LRP1B: variants seen among roughly 807,000 people sequenced by gnomAD.
LRP1B encodes the protein low-density lipoprotein receptor-related protein 1B.
LRP1B carries 217 observed loss-of-function variants against 556.6 expected under a neutral mutation model. That is an observed-to-expected ratio of 0.39 (90% CI 0.35 to 0.44). LRP1B has a LOEUF of 0.44. Ranked by LOEUF, LRP1B falls within the 20% of genes least tolerant of loss-of-function variation. The pLI, the probability that LRP1B is intolerant of heterozygous loss-of-function variation, is 1.00. For synonymous variants in LRP1B, 2,047 were observed against 1,865.8 expected (o/e 1.10, Z -2.50); for missense variants, 5,053 against 5,620.8 (o/e 0.90, Z 3.23).
intron 2 of LRP1B, among the ~76,000 whole-genome samples, chr2:141,641,534 C>T (rs1689334569): frequency 6.6e-6 from 1 of 152,050 alleles, no homozygotes; most frequent in Non-Finnish European, 1.5e-5. Flanking sequence ...ATTAAGGGAG[C>T]TTCCAAAACA....
At chr2:140,800,199 G>A (rs1260314363) in intron 32 of LRP1B, among the ~76,000 whole-genome samples, 1 of 152,046 alleles carries the variant, frequency 6.6e-6, no homozygotes, top group Non-Finnish European at 1.5e-5. Flanking sequence ...ATTGAACAGT[G>A]AGAACACTTG....
chr2:141,612,969 ATT>A (rs397713874), intron 2 of LRP1B, among the ~76,000 whole-genome samples: 1 of 144,420 alleles, frequency 6.9e-6, no homozygotes, highest in Non-Finnish European at 1.5e-5. Flanking sequence ...CACCCAGCTA[ATT>A]TTTTTTTTTT....
At chr2:140,872,372 T>TGTTTG (rs1169412155) in intron 25 of LRP1B, among the ~76,000 whole-genome samples, 20 of 144,562 alleles carry the variant, frequency 1.4e-4, no homozygotes, top group African/African-American at 4.7e-4. Flanking sequence ...TTTTTTTTTT[T>TGTTTG]TTTTTTTTTT....
chr2:141,885,438 G>A (rs750760138), intron 1 of LRP1B, among the ~76,000 whole-genome samples: 1 of 152,102 alleles, frequency 6.6e-6, no homozygotes, highest in Non-Finnish European at 1.5e-5. Flanking sequence ...TAAGCTCTTC[G>A]TTTTCACCTT....
At chr2:141,206,397 C>T (rs1573650054) in intron 6 of LRP1B, among the ~76,000 whole-genome samples, 4 of 151,552 alleles carry the variant, frequency 2.6e-5, no homozygotes, top group Admixed American at 6.6e-5. Flanking sequence ...CTGGCTAACA[C>T]GGTGAAACCC....
intron 32 of LRP1B, among the ~76,000 whole-genome samples, chr2:140,794,650 G>T (rs1034829698): frequency 6.7e-6 from 1 of 149,676 alleles, no homozygotes; most frequent in African/African-American, 2.5e-5. Flanking sequence ...TTTCGCTCTT[G>T]TTGCCCAGGC....
chr2:140,966,551 G>A (rs1444637708), intron 18 of LRP1B, among the ~76,000 whole-genome samples: 2 of 152,018 alleles, frequency 1.3e-5, no homozygotes, highest in Non-Finnish European at 2.9e-5. Flanking sequence ...TCTTTAATTA[G>A]ATCCCATTTG....
intron 18 of LRP1B, among the ~76,000 whole-genome samples, chr2:140,959,580 T>C: frequency 6.6e-6 from 1 of 151,812 alleles, no homozygotes; most frequent in Non-Finnish European, 1.5e-5. Context: ...ATAAATTTGA[T>C]AACTTAGAAA....
intron 87 of LRP1B, among the ~76,000 whole-genome samples, chr2:140,244,335 GC>G (rs1681069063): frequency 6.6e-6 from 1 of 151,052 alleles, no homozygotes; most frequent in Non-Finnish European, 1.5e-5. Flanking sequence ...CAGATATCTT[GC>G]CCCTATTGTC....
chr2:140,744,854 G>A (rs561401047), intron 35 of LRP1B, among the ~76,000 whole-genome samples: 1 of 152,232 alleles, frequency 6.6e-6, no homozygotes, highest in South Asian at 2.1e-4. Flanking sequence ...TCCAGGAGAG[G>A]AGAGATTTTG....
chr2:140,317,111 G>T (rs528629194), intron 82 of LRP1B, among the ~76,000 whole-genome samples: 44 of 152,212 alleles, frequency 2.9e-4, no homozygotes, highest in African/African-American at 1.0e-3. Flanking sequence ...CACTGTAAGC[G>T]GACCTGGATT....
chr2:140,520,173 A>G (rs1415890078), intron 49 of LRP1B, among the ~76,000 whole-genome samples: 1 of 152,150 alleles, frequency 6.6e-6, no homozygotes, highest in Non-Finnish European at 1.5e-5. Context: ...TTATTGCGGC[A>G]CTATTCACAA....
At chr2:140,303,752 G>A (rs1394150247) in intron 83 of LRP1B, among the ~76,000 whole-genome samples, 1 of 151,992 alleles carries the variant, frequency 6.6e-6, no homozygotes. Context: ...TTGGTGTGCT[G>A]CACCCATTAA....
chr2:141,748,887 C>T (rs745403988), intron 2 of LRP1B, among the ~76,000 whole-genome samples: 2 of 152,116 alleles, frequency 1.3e-5, no homozygotes, highest in Non-Finnish European at 2.9e-5. Context: ...AATTCATTAT[C>T]TCCCAGAAAC....
intron 3 of LRP1B, among the ~76,000 whole-genome samples, chr2:141,444,245 T>C (rs1681094595): frequency 1.3e-5 from 2 of 152,180 alleles, no homozygotes; most frequent in South Asian, 4.1e-4. Flanking sequence ...CTATTATTGG[T>C]GTATTGAAAT....
At chr2:141,795,595 A>C (rs1418898585) in intron 2 of LRP1B, among the ~76,000 whole-genome samples, 1 of 151,928 alleles carries the variant, frequency 6.6e-6, no homozygotes, top group Non-Finnish European at 1.5e-5. Context: ...GTTTAAAACT[A>C]TATTACTGGG....
chr2:140,396,541 G>A (rs527899745), intron 66 of LRP1B, among the ~76,000 whole-genome samples: 7 of 152,158 alleles, frequency 4.6e-5, no homozygotes, highest in African/African-American at 7.2e-5. Context: ...TATAACAGAG[G>A]GCGATTATTT....
chr2:141,138,830 C>T (rs745655387), intron 7 of LRP1B, among the ~76,000 whole-genome samples: 2 of 151,696 alleles, frequency 1.3e-5, no homozygotes, highest in East Asian at 1.9e-4. Context: ...CCTCTAAAGT[C>T]GGTCACACTT....
chr2:141,444,182 T>C (rs1218186767), intron 3 of LRP1B, among the ~76,000 whole-genome samples: 1 of 152,202 alleles, frequency 6.6e-6, no homozygotes, highest in Non-Finnish European at 1.5e-5. Context: ...TATTTTATTC[T>C]TTTTGTAGCA....
Sources: allele counts gnomAD v4.1 joint callset (sites outside exome capture counted in the v4.1 genomes callset), GRCh38; gene constraint gnomAD v4.1.1; transcripts MANE v1.5; gene names NCBI Gene and HGNC (gene_info 2026-07-23, HGNC 2026-07-21).